The following LOXHD1 variants were observed in gnomAD, a reference collection of about 807,000 sequenced individuals.
The protein encoded by LOXHD1 is lipoxygenase homology domain-containing protein 1.
A neutral mutation model predicts 248.2 loss-of-function variants in LOXHD1; 205 were observed. The observed-to-expected ratio is 0.83, with a 90% CI of 0.74 to 0.93. The LOEUF is 0.93. Among genes scored for constraint, LOXHD1 ranks in the 40% least tolerant of loss-of-function variants. The probability of loss-of-function intolerance (pLI) is 0.00; values close to 1 mark genes in which losing one functional copy is unlikely to be tolerated. For synonymous variants in LOXHD1, 1,113 were observed against 1,162.8 expected (o/e 0.96, Z 0.87); for missense variants, 2,930 against 2,971.6 (o/e 0.99, Z 0.33).
At position 46,560,197 on chromosome 18, in the gene LOXHD1, T is replaced by C. The variant is rs1171736308; in HGVS notation, c.2947A>G (p.Met983Val). Residue 983 changes from methionine to valine, a missense_variant, in exon 19 of 41, where the codon ATG becomes GTG. Met to Val is a conservative substitution (Grantham distance 21). Transcript: ENST00000642948. ...TTGTGCTGCTCAATCACCTCCTGCA[T>C]CCCCGGCCCAAACTCCTCCTCTTCC... The part of the protein sequence containing the change: ...EEEEEEFGPG[M>V]QEVIEQHKFE... The C allele has an allele frequency of 1.3e-6, 2 of 1,551,716 alleles. No individual in the cohort carries two copies. Among genetic ancestry groups the C allele is most frequent in the Non-Finnish European group, 1.7e-6 (2 of 1,147,010 alleles).
At chr18:46,605,407 G>A (rs1422817799) in intron 6 of LOXHD1, among the ~76,000 whole-genome samples, 1 of 90,244 alleles carries the variant, frequency 1.1e-5, no homozygotes, top group Non-Finnish European at 2.4e-5. Flanking sequence ...GGCACCTATA[G>A]TCTCAGCTAC....
intron 26 of LOXHD1, among the ~76,000 whole-genome samples, chr18:46,537,482 C>T (rs575239737): frequency 5.3e-5 from 8 of 152,296 alleles, no homozygotes; most frequent in African/African-American, 1.9e-4. Flanking sequence ...CCCAACTTGA[C>T]CGTAAGCCCC....
intron 29 of LOXHD1, 34 bp from the exon 30 acceptor site, chr18:46,524,951 G>A (rs373889831): frequency 2.0e-5 from 31 of 1,549,272 alleles, no homozygotes; most frequent in Admixed American, 3.9e-5. Flanking sequence ...TCATATGGGG[G>A]TGTGCCACCC....
At chr18:46,624,320 G>T (rs2038709525) in intron 4 of LOXHD1, among the ~76,000 whole-genome samples, 1 of 152,220 alleles carries the variant, frequency 6.6e-6, no homozygotes, top group African/African-American at 2.4e-5. Flanking sequence ...GAGATTCAGC[G>T]GGGGCTGCCC....
At chr18:46,513,537 G>A (rs544884669) in intron 34 of LOXHD1, among the ~76,000 whole-genome samples, 1 of 152,198 alleles carries the variant, frequency 6.6e-6, no homozygotes. Flanking sequence ...AAAGAGGTGG[G>A]ATGTGAAGAT....
At chr18:46,630,909 G>A (rs1461469418) in intron 4 of LOXHD1, among the ~76,000 whole-genome samples, 2 of 152,130 alleles carry the variant, frequency 1.3e-5, no homozygotes, top group African/African-American at 4.8e-5. Flanking sequence ...AAGAAGATGA[G>A]AAAACAGAGA....
chr18:46,641,963 T>C lies in LOXHD1; in HGVS notation c.319A>G (p.Lys107Glu). The C allele has an allele frequency of 6.4e-7, 1 of 1,552,066 alleles. No individual in the cohort carries two copies. Among genetic ancestry groups the C allele is most frequent in the Non-Finnish European group, 8.7e-7 (1 of 1,146,956 alleles). ...VRTNNVGLIY[K>E]VRIEHDNTGL... is the part of the protein sequence containing the mutation. ...CAGGCGCCAGCTTCTCACCTGACTTTATAGATGAGGCCCACATTGTTGGTT... is the reference window on the plus strand; with the variant it reads ...CAGGCGCCAGCTTCTCACCTGACTTCATAGATGAGGCCCACATTGTTGGTT... Residue 107 changes from lysine to glutamate, a missense_variant, in exon 3 of 41, where the codon AAA becomes GAA. By Grantham distance (56) the Lys-to-Glu change is moderately conservative (BLOSUM62 1). Transcript: ENST00000642948.
chr18:46,633,229 G>A (rs1422984188), intron 4 of LOXHD1, among the ~76,000 whole-genome samples: 2 of 152,262 alleles, frequency 1.3e-5, no homozygotes, highest in East Asian at 3.9e-4. Flanking sequence ...AAAACTTACT[G>A]CAAAGTTACA....
At chr18:46,552,408 G>A (rs796203518) in intron 21 of LOXHD1, among the ~76,000 whole-genome samples, 47 of 152,116 alleles carry the variant, frequency 3.1e-4, no homozygotes, top group African/African-American at 1.1e-3. Context: ...TTTCTTTTTG[G>A]CAATTGAATT....
At chr18:46,552,510 G>A (rs2037147677) in intron 21 of LOXHD1, among the ~76,000 whole-genome samples, 1 of 152,226 alleles carries the variant, frequency 6.6e-6, no homozygotes. Flanking sequence ...CTGAGGCTAG[G>A]AGGGCTAGGA....
rs2144221730 is a variant in LOXHD1, at chr18:46,529,309, G to T, written c.4398C>A (p.Ile1466=). ...CTGCCCCAGGAATGTTCCCTGTGAAGATCTGCACCGAGTACAGCACAACTG... is the reference window on the plus strand; with the variant it reads ...CTGCCCCAGGAATGTTCCCTGTGAATATCTGCACCGAGTACAGCACAACTG... The part of the protein sequence containing the change: ...PLDIVLYSVQ[I]FTGNIPGAGT... The change falls in exon 29 of 41, where the codon ATC becomes ATA. Residue 1466 remains isoleucine, a synonymous_variant. Transcript: ENST00000642948. 6.4e-7 allele frequency: 1 copy of T among 1,550,824 alleles called. No individual in the cohort carries two copies. Among genetic ancestry groups the T allele is most frequent in the South Asian group, 1.2e-5 (1 of 83,906 alleles).
At chr18:46,518,940 A>G (rs2035420474) in intron 33 of LOXHD1, 3 of 985,310 alleles carry the variant, frequency 3.0e-6, no homozygotes, top group South Asian at 9.4e-5. Context: ...CATGATGTTC[A>G]CTTGAGATTG....
intron 2 of LOXHD1, 78 bp from the exon 3 acceptor site, chr18:46,642,114 C>T (rs900535233): frequency 5.2e-5 from 66 of 1,280,764 alleles, no homozygotes; most frequent in East Asian, 7.7e-5. Context: ...GCTGGCATTC[C>T]GCTTCTTCCT....
chr18:46,610,304 A>G (rs1394038071), intron 6 of LOXHD1, among the ~76,000 whole-genome samples: 1 of 152,004 alleles, frequency 6.6e-6, no homozygotes, highest in East Asian at 1.9e-4. Context: ...ACAAGGGCAG[A>G]AAACCAAACA....
At chr18:46,484,331 A>G (rs548353750) in intron 39 of LOXHD1, among the ~76,000 whole-genome samples, 1 of 152,140 alleles carries the variant, frequency 6.6e-6, no homozygotes, top group African/African-American at 2.4e-5. Context: ...CTCCAGTGTG[A>G]TGGTATTTGG....
chr18:46,496,155 T>G (rs187714154), intron 37 of LOXHD1, among the ~76,000 whole-genome samples: 1 of 152,338 alleles, frequency 6.6e-6, no homozygotes, highest in East Asian at 1.9e-4. Flanking sequence ...ACAGCTGGTG[T>G]GACAACTTTC....
chr18:46,579,530 G>T, intron 13 of LOXHD1, 100 bp downstream of exon 13: 1 of 1,476,360 alleles, frequency 6.8e-7, no homozygotes, highest in Non-Finnish European at 9.2e-7. Context: ...GAGGCCCCAG[G>T]ACCAGCATCA....
chr18:46,590,314 A>G (rs2038142466), intron 12 of LOXHD1, among the ~76,000 whole-genome samples: 1 of 152,194 alleles, frequency 6.6e-6, no homozygotes. Flanking sequence ...AGCAGACCGG[A>G]AAGGATTCAT....
At chr18:46,560,052 T>TAGC in intron 19 of LOXHD1, 31 bp downstream of exon 19, 1 of 441,126 alleles carries the variant, frequency 2.3e-6, no homozygotes, top group Non-Finnish European at 3.6e-6. Flanking sequence ...GGCCACTCCC[T>TAGC]CCCCACCCCC....
Sources: allele counts gnomAD v4.1 joint callset (sites outside exome capture counted in the v4.1 genomes callset), GRCh38; gene constraint gnomAD v4.1.1; transcripts MANE v1.5; gene names NCBI Gene and HGNC (gene_info 2026-07-23, HGNC 2026-07-21).